Variants in SLC1A2 observed in about 807,000 individuals in gnomAD.
SLC1A2 encodes excitatory amino acid transporter 2.
Under a neutral mutation model 48.8 loss-of-function variants are expected in SLC1A2, and 15 were observed. The ratio of observed to expected loss-of-function variants is 0.31; its 90% CI spans 0.21 to 0.47. SLC1A2 has a LOEUF of 0.47. SLC1A2 is among the 20% of genes least tolerant of loss of function. The pLI, the probability that SLC1A2 is intolerant of heterozygous loss-of-function variation, is 0.99. For synonymous variants in SLC1A2, 279 were observed against 272.6 expected, an observed-to-expected ratio of 1.02 and a Z score of -0.23; for missense variants, 502 against 730.5, an observed-to-expected ratio of 0.69 and a Z score of 3.61.
chr11:35,280,177 TC>T (rs1850581097), intron 9 of SLC1A2, among the ~76,000 whole-genome samples: 1 of 152,152 alleles, frequency 6.6e-6, no homozygotes, highest in Non-Finnish European at 1.5e-5. Context: ...TCTTTTTTTT[TC>T]TTAGGCAGAG....
At chr11:35,323,520 T>C (rs138217894) in intron 1 of SLC1A2, among the ~76,000 whole-genome samples, 1 of 152,324 alleles carries the variant, frequency 6.6e-6, no homozygotes, top group East Asian at 1.9e-4. Flanking sequence ...GAATTGGAAA[T>C]TCTTTAACAT....
chr11:35,286,629 C>A (rs542359639), intron 8 of SLC1A2, 128 bp downstream of exon 8: 37 of 637,168 alleles, frequency 5.8e-5, no homozygotes, highest in Non-Finnish European at 8.8e-5. Flanking sequence ...CCAATAGTTT[C>A]TCTTTTTTTA....
At chr11:35,377,821 G>A (rs1325282928) in intron 1 of SLC1A2, among the ~76,000 whole-genome samples, 1 of 152,160 alleles carries the variant, frequency 6.6e-6, no homozygotes, top group Non-Finnish European at 1.5e-5. Context: ...AAACGTTTTT[G>A]TTTTGTTTTC....
intron 1 of SLC1A2, chr11:35,418,563 G>C (rs1412465301): frequency 4.9e-6 from 1 of 204,648 alleles, no homozygotes; most frequent in Non-Finnish European, 9.7e-6. Context: ...GGCACCACCT[G>C]CAAGCCCGCC....
At chr11:35,299,164 C>G (rs916177667) in intron 6 of SLC1A2, 1 of 152,110 alleles carries the variant, frequency 6.6e-6, no homozygotes, top group Non-Finnish European at 1.5e-5. Flanking sequence ...ATGGTGAAAC[C>G]CTATCTCTAC....
chr11:35,361,450 G>A (rs1338503398), intron 1 of SLC1A2, among the ~76,000 whole-genome samples: 1 of 152,158 alleles, frequency 6.6e-6, no homozygotes, highest in Non-Finnish European at 1.5e-5. Flanking sequence ...TAAAGATCAA[G>A]CTCCCTAACA....
chr11:35,307,765 G>T (rs1851559015), intron 4 of SLC1A2, among the ~76,000 whole-genome samples: 1 of 152,192 alleles, frequency 6.6e-6, no homozygotes, highest in Admixed American at 6.5e-5. Context: ...CTACTGTGCT[G>T]GTTCCCATAG....
At chr11:35,287,286 C>CA (rs201920308) in intron 7 of SLC1A2, among the ~76,000 whole-genome samples, 32,516 of 121,150 alleles carry the variant, frequency 0.27, 3,674 homozygotes, top group Admixed American at 0.34. Context: ...AATTGGGTTG[C>CA]AAAAAAAAAA....
Position 35,260,854 on chromosome 11 carries a change from G to A in SLC1A2, c.*40C>T, listed in dbSNP as rs762060643. On this transcript the variant is annotated 3_prime_UTR_variant, in exon 11 of 11. Coordinates refer to ENST00000278379, the MANE Select transcript of SLC1A2 (RefSeq NM_004171.4). ...TATATCATCAGTTACCATAGGATAC[G>A]CTGGGGAGTTTATTCAAGAATTTGC... 5.2e-6 allele frequency: 7 copies of A among 1,348,466 alleles called. No individual in the cohort carries two copies. Among genetic ancestry groups the A allele is most frequent in the Middle Eastern group, 3.6e-4 (2 of 5,534 alleles). The allele number at this position is 1,348,466 out of a possible 1,614,324, so 83.5% of individuals were successfully genotyped here.
chr11:35,418,985 T>C lies in SLC1A2; in HGVS notation c.-19A>G, dbSNP rs1482694139. ...ATGCCATGGTCTGGGGAACGCCCCCTCCTCTTCAGCACTATCCGGCAGCTG... is the reference window on the plus strand; with the variant it reads ...ATGCCATGGTCTGGGGAACGCCCCCCCCTCTTCAGCACTATCCGGCAGCTG... On this transcript the variant is annotated 5_prime_UTR_variant, in exon 1 of 11. Transcript: ENST00000278379. 1.9e-6 allele frequency: 3 copies of C among 1,563,216 alleles called. No individual in the cohort carries two copies. Among genetic ancestry groups the C allele is most frequent in the Non-Finnish European group, 2.6e-6 (3 of 1,152,314 alleles).
At chr11:35,279,173 T>C (rs965276818) in intron 9 of SLC1A2, among the ~76,000 whole-genome samples, 1 of 152,236 alleles carries the variant, frequency 6.6e-6, no homozygotes, top group African/African-American at 2.4e-5. Context: ...CCTCTGACAT[T>C]GAAGACTGGC....
intron 9 of SLC1A2, among the ~76,000 whole-genome samples, chr11:35,270,252 T>C (rs1253423995): frequency 1.3e-5 from 2 of 152,172 alleles, no homozygotes; most frequent in African/African-American, 4.8e-5. Context: ...TGATTCCCAT[T>C]TGAGCAAATA....
intron 6 of SLC1A2, among the ~76,000 whole-genome samples, chr11:35,296,699 C>T (rs190326676): frequency 5.1e-4 from 77 of 152,248 alleles, no homozygotes; most frequent in African/African-American, 1.6e-3. Flanking sequence ...CCTGCCACTT[C>T]TTCCTCTTGG....
chr11:35,347,839 C>T (rs1387214726), intron 1 of SLC1A2, among the ~76,000 whole-genome samples: 1 of 152,220 alleles, frequency 6.6e-6, no homozygotes, highest in Non-Finnish European at 1.5e-5. Context: ...TCCAAAAGAG[C>T]TGAGTTTACA....
At chr11:35,288,858 T>G (rs111603740) in intron 7 of SLC1A2, among the ~76,000 whole-genome samples, 4,647 of 148,708 alleles carry the variant, frequency 0.031, 67 homozygotes, top group African/African-American at 0.04. Flanking sequence ...TTAAGTCGAC[T>G]GGGAAAAATG....
At chr11:35,289,231 C>T (rs1850918322) in intron 7 of SLC1A2, among the ~76,000 whole-genome samples, 2 of 152,288 alleles carry the variant, frequency 1.3e-5, no homozygotes, top group East Asian at 1.9e-4. Context: ...CAACTACCCT[C>T]AACGTCTTTA....
intron 8 of SLC1A2, among the ~76,000 whole-genome samples, chr11:35,283,279 T>C (rs1246691297): frequency 1.3e-5 from 2 of 152,200 alleles, no homozygotes; most frequent in African/African-American, 4.8e-5. Flanking sequence ...ACTATTTTCC[T>C]ACATGCAGTG....
At chr11:35,392,210 G>T (rs1218575320) in intron 1 of SLC1A2, 1 of 152,174 alleles carries the variant, frequency 6.6e-6, no homozygotes, top group Non-Finnish European at 1.5e-5. Flanking sequence ...TTAAAAAAAT[G>T]CATTGCTTGC....
chr11:35,342,136 T>A lies in SLC1A2; in HGVS notation c.18-24620A>T, dbSNP rs988685702. On this transcript the variant is annotated intron_variant, in intron 1 of 10. Transcript: ENST00000278379. Reference sequence around the variant, plus strand: ...AGGTGTGTAAATGGAGATTCTTATATATTTTTGTAGGGTTTTTGCTAGGCT... The same window carrying A: ...AGGTGTGTAAATGGAGATTCTTATAAATTTTTGTAGGGTTTTTGCTAGGCT... Among the ~76,000 whole-genome samples the A allele has an allele frequency of 4.6e-5, 7 of 152,234 alleles. No individual in the cohort carries two copies. The South Asian group carries it at 8.3e-4, about 18-fold the overall frequency.
Sources: allele counts gnomAD v4.1 joint callset (sites outside exome capture counted in the v4.1 genomes callset), GRCh38; gene constraint gnomAD v4.1.1; transcripts MANE v1.5; gene names NCBI Gene and HGNC (gene_info 2026-07-23, HGNC 2026-07-21).